Variants in TRPM5 observed in about 807,000 individuals in gnomAD.
TRPM5 encodes the protein transient receptor potential cation channel subfamily M member 5, also known as MLSN1 and TRP-related.
Under a neutral mutation model 124.9 loss-of-function variants are expected in TRPM5, and 121 were observed. That is an observed-to-expected ratio of 0.97 (90% CI 0.84 to 1.13). The LOEUF is 1.13. TRPM5 is among the 50% of genes most tolerant of loss of function. TRPM5 has a pLI of 0.00. For synonymous variants in TRPM5, 781 were observed against 700.5 expected (o/e 1.11, Z -1.81); for missense variants, 1,643 against 1,589.1 (o/e 1.03, Z -0.58).
the TRPM5 span, among the ~76,000 whole-genome samples, chr11:2,428,903 G>T: frequency 9.4e-5 from 14 of 149,420 alleles, no homozygotes; most frequent in Non-Finnish European, 1.8e-4. This position sits in a 1 kb window ranked among gnomAD's most constrained non-coding sequence, Gnocchi z 4.0. Context: ...GGTGGTGTTG[G>T]TGTTGGTATT....
At chr11:2,424,242 G>A (rs549527849), upstream of TRPM5, among the ~76,000 whole-genome samples, 13 of 152,262 alleles carry the variant, frequency 8.5e-5, no homozygotes, top group Non-Finnish European at 1.8e-4. Context: ...TTCCTAGAGA[G>A]GGGCCCACCT....
At chr11:2,405,794 A>AC (rs1202472655) in intron 22 of TRPM5, among the ~76,000 whole-genome samples, 2 of 151,914 alleles carry the variant, frequency 1.3e-5, no homozygotes, top group Non-Finnish European at 2.9e-5. Flanking sequence ...TCAATGTGAG[A>AC]CCCCTCATTT....
the TRPM5 span, among the ~76,000 whole-genome samples, chr11:2,442,442 G>C: frequency 6.7e-6 from 1 of 149,922 alleles, no homozygotes; most frequent in Admixed American, 6.7e-5. The surrounding 1 kb of genome is among the most constrained non-coding windows in gnomAD (Gnocchi z 5.9). Flanking sequence ...GGATCCTTTG[G>C]TTGAGTATTA....
Position 2,412,989 on chromosome 11 carries a change from G to A in TRPM5, c.2120C>T (p.Pro707Leu), listed in dbSNP as rs144597111. 2.5e-5 allele frequency: 40 copies of A among 1,605,880 alleles called. No individual in the cohort carries two copies. In the South Asian group the frequency reaches 3.4e-4, roughly 13 times the overall value. ...TGGGCCTCGGTCACCCTGAGCCCTC[G>A]GCGCCTCCACCAGCTCCTCCACCCT... is the stretch of plus-strand genomic sequence containing the variant. Residue 707 changes from proline (P) to leucine (L), a missense_variant, in exon 15 of 24, where the codon CCG becomes CTG. Coordinates refer to ENST00000155858, the Ensembl canonical transcript of TRPM5.
At chr11:2,421,871 C>G (rs1160740335) in intron 2 of TRPM5, among the ~76,000 whole-genome samples, 1 of 152,148 alleles carries the variant, frequency 6.6e-6, no homozygotes, top group Non-Finnish European at 1.5e-5. Context: ...TGGGGGAGGT[C>G]CTGGTCCAGT....
At chr11:2,410,042 G>A (rs1301406517) in intron 18 of TRPM5, among the ~76,000 whole-genome samples, 2 of 152,204 alleles carry the variant, frequency 1.3e-5, no homozygotes, top group Non-Finnish European at 2.9e-5. Context: ...AGCTCCTCCT[G>A]CCCCGAGGGG....
intron 7 of TRPM5, among the ~76,000 whole-genome samples, chr11:2,416,836 AT>A (rs772766036): frequency 6.6e-6 from 1 of 152,050 alleles, no homozygotes; most frequent in Non-Finnish European, 1.5e-5. Flanking sequence ...GCTCATCAAA[AT>A]TTTCCATCAG....
the TRPM5 span, among the ~76,000 whole-genome samples, chr11:2,432,462 C>T: frequency 6.6e-6 from 1 of 152,218 alleles, no homozygotes; most frequent in Non-Finnish European, 1.5e-5. Flanking sequence ...TGCAGAGGCT[C>T]AGCTCTCTCC....
chr11:2,443,503 A>C, the TRPM5 span, among the ~76,000 whole-genome samples: 2 of 152,206 alleles, frequency 1.3e-5, no homozygotes, highest in African/African-American at 4.8e-5. The surrounding 1 kb of genome is among the most constrained non-coding windows in gnomAD (Gnocchi z 5.0). Context: ...CACAGCGCCC[A>C]GCACAAGCTG....
intron 18 of TRPM5, among the ~76,000 whole-genome samples, chr11:2,409,086 A>T (rs1417754031): frequency 6.7e-6 from 1 of 150,162 alleles, no homozygotes; most frequent in Non-Finnish European, 1.5e-5. Flanking sequence ...TCTCCCTCCT[A>T]GGGTGAATTC....
intron 7 of TRPM5, among the ~76,000 whole-genome samples, chr11:2,416,545 A>G (rs1440387787): frequency 1.3e-5 from 2 of 152,028 alleles, no homozygotes; most frequent in Non-Finnish European, 1.5e-5. Flanking sequence ...ACAACCATGG[A>G]CCCCGTAAGA....
chr11:2,413,254 G>T (rs993114184), intron 13 of TRPM5, 28 bp from the exon 19 acceptor site: 14 of 1,507,688 alleles, frequency 9.3e-6, no homozygotes, highest in African/African-American at 4.2e-5. Flanking sequence ...CTCAGGGCCC[G>T]CAGGAAGGGC....
At chr11:2,422,407 C>A in intron 1 of TRPM5, 86 bp from the exon 7 acceptor site, 1 of 1,081,458 alleles carries the variant, frequency 9.2e-7, no homozygotes, top group Non-Finnish European at 1.3e-6. Context: ...CACAAGGGGG[C>A]ACTGGGGAGG....
At chr11:2,415,074 G>A (rs763292800) in intron 9 of TRPM5, 27 bp from the exon 15 acceptor site, 4 of 1,591,602 alleles carry the variant, frequency 2.5e-6, no homozygotes, top group Non-Finnish European at 3.4e-6. Flanking sequence ...TCGGCCTCCT[G>A]CTGCGGCCCC....
intron 18 of TRPM5, among the ~76,000 whole-genome samples, chr11:2,409,527 A>G (rs1589866938): frequency 6.6e-6 from 1 of 152,208 alleles, no homozygotes; most frequent in Admixed American, 6.5e-5. Flanking sequence ...GCACGAGTGC[A>G]GAGTGGGGCA....
chr11:2,418,786 C>G (rs947050947), intron 4 of TRPM5, among the ~76,000 whole-genome samples, 195 bp from the exon 10 acceptor site: 1 of 152,220 alleles, frequency 6.6e-6, no homozygotes, highest in South Asian at 2.1e-4. Flanking sequence ...CCAATGCTAA[C>G]CTACACTACC....
intron 18 of TRPM5, among the ~76,000 whole-genome samples, chr11:2,410,021 C>A (rs750348469): frequency 1.3e-5 from 2 of 152,218 alleles, no homozygotes; most frequent in Non-Finnish European, 2.9e-5. Flanking sequence ...TGGCTGGAGG[C>A]GCCCGTCTAG....
intron 18 of TRPM5, chr11:2,410,666 C>T (rs1381001103): frequency 6.6e-6 from 3 of 453,986 alleles, no homozygotes; most frequent in Non-Finnish European, 1.3e-5. Context: ...ACCCCCGCCC[C>T]CTCCCCACTG....
intron 21 of TRPM5, among the ~76,000 whole-genome samples, chr11:2,406,415 C>T (rs72845802): frequency 0.087 from 13,188 of 152,086 alleles, 772 homozygotes; most frequent in African/African-American, 0.17. Context: ...GTAGTCCCAA[C>T]CCTGAGACCA....
Sources: allele counts gnomAD v4.1 joint callset (sites outside exome capture counted in the v4.1 genomes callset), GRCh38; gene constraint gnomAD v4.1.1; non-coding constraint Gnocchi (gnomAD v3.1); transcripts MANE v1.5; gene names NCBI Gene and HGNC (gene_info 2026-07-23, HGNC 2026-07-21).